Variants in SLC44A1 observed in about 807,000 individuals in gnomAD.
SLC44A1 encodes solute carrier family 44 member 1, also known as choline transporter-like protein 1.
Under a neutral mutation model 79.3 loss-of-function variants are expected in SLC44A1, and 26 were observed. The ratio of observed to expected loss-of-function variants is 0.33; its 90% confidence interval spans 0.24 to 0.46. The LOEUF is 0.46. Ranked by LOEUF, SLC44A1 falls within the 20% of genes least tolerant of loss-of-function variation. SLC44A1 has a pLI of 1.00. For missense variants in SLC44A1, 688 were observed against 798.1 expected (o/e 0.86, Z 1.66); for synonymous variants, 263 against 286.2 (o/e 0.92, Z 0.82).
chr9:105,362,824 A>T lies in SLC44A1; in HGVS notation c.904A>T (p.Ile302Phe). 1 of 1,592,730 alleles carries T rather than the reference A, an allele frequency of 6.3e-7. No homozygotes were observed. Among genetic ancestry groups the T allele is most frequent in the Middle Eastern group, 1.7e-4 (1 of 5,974 alleles). The change falls in exon 9 of 16, where the codon ATC (isoleucine) becomes TTC (phenylalanine). Residue 302 changes from isoleucine to phenylalanine, a missense_variant. Physicochemically the swap from Ile to Phe is conservative, Grantham distance 21. Transcript: ENST00000374720. ...YAISATVFTV[I>F]LFLIMLVMRK... ...TGAAACCATTCTCTCCATACAGGTG[A>T]TCTTATTCCTGATAATGTTGGTTAT...
At position 105,309,821 on chromosome 9, in the gene SLC44A1, A is replaced by C. The variant is rs1831130428; in HGVS notation, c.224A>C (p.Lys75Thr). 6.2e-7 allele frequency: 1 copy of C among 1,614,014 alleles called. No individual in the cohort carries two copies. The highest frequency in any genetic ancestry group is 8.5e-7 in the Non-Finnish European group (1 of 1,179,900). The stretch of plus-strand genomic sequence containing the variant: ...AATATCTGTGGGCAGAAAAATACAA[A>C]GTTGGAAGCAATACCAAACAGTGGC... ...YGNICGQKNT[K>T]LEAIPNSGMD... The change falls in exon 3 of 16, where the codon AAG becomes ACG. Residue 75 changes from lysine to threonine, a missense_variant. Coordinates refer to ENST00000374720, the MANE Select transcript of SLC44A1 (RefSeq NM_080546.5).
chr9:105,252,889 G>A (rs989002238), intron 1 of SLC44A1, among the ~76,000 whole-genome samples: 8 of 152,130 alleles, frequency 5.3e-5, no homozygotes, highest in Non-Finnish European at 4.4e-5. Context: ...TATGCATTGT[G>A]TAAAATTTAG....
At position 105,391,028 on chromosome 9, in the gene SLC44A1, G is replaced by A. The variant is rs756719261; in HGVS notation, c.*1972G>A. 1.0e-4 allele frequency: 100 copies of A among 985,424 alleles called. No individual in the cohort carries two copies. The highest frequency in any genetic ancestry group is 3.8e-4 in the African/African-American group (22 of 57,220). 61.0% of individuals were successfully genotyped at this position (985,424 alleles called of 1,614,324 possible). A position where few individuals can be genotyped will look rare whatever the true frequency, so the allele number is the denominator to read the frequency against. ...TCAGAATACCATCTGTTTCATAGCC[G>A]CACAGATTTTGGACTTTCACAAACA... On this transcript the variant is annotated 3_prime_UTR_variant, in exon 16 of 16. Coordinates refer to ENST00000374720, the MANE Select transcript of SLC44A1 (RefSeq NM_080546.5).
At chr9:105,320,373 T>G (rs1826355597) in intron 3 of SLC44A1, among the ~76,000 whole-genome samples, 1 of 150,956 alleles carries the variant, frequency 6.6e-6, no homozygotes, top group Non-Finnish European at 1.5e-5. Context: ...ATTTCATTAC[T>G]CTTGAAGAGT....
chr9:105,394,519 A>T lies in SLC44A1; in HGVS notation c.*5463A>T. 1.0e-6 allele frequency: 1 copy of T among 984,936 alleles called. No individual in the cohort carries two copies. Among genetic ancestry groups the T allele is most frequent in the Non-Finnish European group, 1.2e-6 (1 of 829,758 alleles). The allele number at this position is 984,936 out of a possible 1,614,324, so 61.0% of individuals were successfully genotyped here. On this transcript the variant is annotated 3_prime_UTR_variant, in exon 16 of 16. Transcript: ENST00000374720. ...TTATTTGCAGTGAGCCAAAAAAAAA[A>T]AAATATCCAAGAAGAAATAAATAGG...
chr9:105,356,380 A>G lies in SLC44A1; in HGVS notation c.669A>G (p.Leu223=). ...TATTGGGACTTTGCTTGTTATCACT[A>G]GGTAATTGTTTTTCTCATTATTAGC... The part of the protein sequence containing the change: ...EIILGLCLLS[L]VLSMILMVII... The change falls in exon 6 of 16, where the codon CTA becomes CTG. Residue 223 remains leucine, a splice_region_variant and synonymous_variant. Transcript: ENST00000374720. 6.3e-7 allele frequency: 1 copy of G among 1,581,828 alleles called. No homozygotes were observed. Among genetic ancestry groups the G allele is most frequent in the East Asian group, 2.2e-5 (1 of 44,498 alleles).
intron 1 of SLC44A1, among the ~76,000 whole-genome samples, chr9:105,279,391 C>T (rs1231229383): frequency 3.4e-5 from 5 of 148,412 alleles, no homozygotes; most frequent in Non-Finnish European, 5.9e-5. Context: ...AATTTCGGCT[C>T]ACTGCAACCT....
intron 15 of SLC44A1, among the ~76,000 whole-genome samples, chr9:105,410,599 G>C (rs535794821): frequency 1.3e-5 from 2 of 152,282 alleles, no homozygotes; most frequent in South Asian, 2.1e-4. Context: ...ATACATTGCT[G>C]GTGAGAATGT....
intron 2 of SLC44A1, among the ~76,000 whole-genome samples, chr9:105,306,037 C>T (rs571405565): frequency 5.9e-5 from 9 of 152,176 alleles, no homozygotes; most frequent in African/African-American, 2.2e-4. Flanking sequence ...TCCCTGTATG[C>T]CTTCATCTGA....
intron 3 of SLC44A1, among the ~76,000 whole-genome samples, chr9:105,318,426 C>A (rs1198441740): frequency 6.6e-6 from 1 of 152,184 alleles, no homozygotes; most frequent in Non-Finnish European, 1.5e-5. Context: ...ATGTTCCCCC[C>A]ACCTCAGCCT....
chr9:105,408,752 A>G (rs933778096), intron 15 of SLC44A1, among the ~76,000 whole-genome samples: 2 of 152,212 alleles, frequency 1.3e-5, no homozygotes, highest in Non-Finnish European at 2.9e-5. Context: ...AGGCAAATGC[A>G]TAAAACAATA....
intron 13 of SLC44A1, among the ~76,000 whole-genome samples, chr9:105,378,453 T>C (rs866314920): frequency 6.6e-6 from 1 of 152,210 alleles, no homozygotes; most frequent in Non-Finnish European, 1.5e-5. Context: ...CTAAAGCTTG[T>C]ATTTGTGTGT....
downstream of SLC44A1, among the ~76,000 whole-genome samples, chr9:105,397,871 C>T (rs1288299114): frequency 2.0e-5 from 3 of 152,060 alleles, no homozygotes; most frequent in African/African-American, 7.3e-5. Flanking sequence ...TGGCCTGAAC[C>T]CGGGAGGCGG....
chr9:105,374,461 C>G lies in SLC44A1; in HGVS notation c.1495-137C>G, dbSNP rs566201603. ...TCTTATATTTTCTTGTACTCAGTCTCGATCTGTACCTCATTAAAGGGTGCC... is the reference window on the plus strand; with the variant it reads ...TCTTATATTTTCTTGTACTCAGTCTGGATCTGTACCTCATTAAAGGGTGCC... On this transcript the variant is annotated intron_variant, in intron 12 of 15. Coordinates refer to ENST00000374720, the MANE Select transcript of SLC44A1 (RefSeq NM_080546.5). 4.4e-6 allele frequency: 3 copies of G among 687,324 alleles called. No individual in the cohort carries two copies. The Admixed American group carries it at 8.4e-5, about 19-fold the overall frequency. 42.6% of individuals were successfully genotyped at this position (687,324 alleles called of 1,614,324 possible).
chr9:105,378,564 AT>A (rs1385212980), intron 13 of SLC44A1, among the ~76,000 whole-genome samples: 7 of 152,086 alleles, frequency 4.6e-5, no homozygotes, highest in African/African-American at 1.7e-4. Flanking sequence ...TTCCAGAAAG[AT>A]ATATTTTTAA....
intron 1 of SLC44A1, among the ~76,000 whole-genome samples, chr9:105,295,376 G>A (rs1253668217): frequency 7.9e-5 from 12 of 152,172 alleles, no homozygotes; most frequent in Non-Finnish European, 4.4e-5. Flanking sequence ...CTGAAAGCCT[G>A]GTATTAATCT....
chr9:105,326,620 C>A (rs1826585223), intron 3 of SLC44A1, among the ~76,000 whole-genome samples: 1 of 152,158 alleles, frequency 6.6e-6, no homozygotes, highest in South Asian at 2.1e-4. Flanking sequence ...AGGCCTTTGA[C>A]AATCTATTCG....
intron 15 of SLC44A1, among the ~76,000 whole-genome samples, chr9:105,387,055 AAAAAAAT>A (rs1433157611): frequency 1.6e-5 from 1 of 61,606 alleles, no homozygotes; most frequent in African/African-American, 7.1e-5. Flanking sequence ...AAAAAAAAAA[AAAAAAAT>A]ATATATATAT....
chr9:105,379,474 C>A (rs1357469060), intron 13 of SLC44A1, among the ~76,000 whole-genome samples: 1 of 152,056 alleles, frequency 6.6e-6, no homozygotes, highest in Non-Finnish European at 1.5e-5. Context: ...AAGATGTTAT[C>A]ATTGAAGGAA....
Sources: gnomAD v4.1 joint callset for allele counts (sites outside exome capture counted in the v4.1 genomes callset) on GRCh38, gnomAD v4.1.1 for gene constraint, MANE v1.5 for transcripts, NCBI Gene and HGNC (gene_info 2026-07-23, HGNC 2026-07-21) for gene names.